C13orf46: variants seen among roughly 807,000 people sequenced by gnomAD.
C13orf46 encodes uncharacterized protein C13orf46.
At chr13:113,952,470 C>G (rs995586865), downstream of C13orf46, among the ~76,000 whole-genome samples, 156 of 152,336 alleles carry the variant, frequency 1.0e-3, no homozygotes, top group African/African-American at 3.7e-3. Context: ...GTGCAGGCAC[C>G]ATGTGGGGCT....
the C13orf46 span, among the ~76,000 whole-genome samples, chr13:113,945,954 T>C: frequency 6.6e-6 from 1 of 152,100 alleles, no homozygotes; most frequent in Middle Eastern, 3.4e-3. Context: ...TGCAGGGCAG[T>C]AAACCCACCG....
intron 5 of C13orf46, among the ~76,000 whole-genome samples, chr13:113,965,880 GGTGGTA>G (rs1193124782): frequency 0.078 from 11,667 of 150,370 alleles, 562 homozygotes; most frequent in South Asian, 0.18. Flanking sequence ...TGGTGATGAT[GGTGGTA>G]ATGGTGATGG....
At chr13:113,947,616 C>A in the C13orf46 span, among the ~76,000 whole-genome samples, 1 of 152,216 alleles carries the variant, frequency 6.6e-6, no homozygotes, top group Non-Finnish European at 1.5e-5. Context: ...GGGGAGCTGG[C>A]AGCAAGGCTT....
At chr13:113,944,614 C>T in the C13orf46 span, among the ~76,000 whole-genome samples, 815 of 146,514 alleles carry the variant, frequency 5.6e-3, 5 homozygotes, top group African/African-American at 0.02. Flanking sequence ...GACAAGTCCT[C>T]CAGGTGTGTG....
the C13orf46 span, among the ~76,000 whole-genome samples, chr13:113,943,084 C>G: frequency 6.6e-6 from 1 of 152,320 alleles, no homozygotes; most frequent in East Asian, 1.9e-4. Flanking sequence ...CTGCCTCCCA[C>G]AGGAGAGCTC....
At chr13:113,927,653 G>T in the C13orf46 span, 3 of 398,516 alleles carry the variant, frequency 7.5e-6, no homozygotes, top group Non-Finnish European at 4.4e-6. Context: ...GCTCCAATAA[G>T]ACCAAGAATA....
chr13:113,959,627 T>G (rs1183611973), intron 6 of C13orf46, among the ~76,000 whole-genome samples: 1 of 152,210 alleles, frequency 6.6e-6, no homozygotes, highest in Non-Finnish European at 1.5e-5. Flanking sequence ...TCTTAAACAT[T>G]AAGGCATACC....
At chr13:113,951,292 C>T (rs1190027805), downstream of C13orf46, among the ~76,000 whole-genome samples, 1 of 152,214 alleles carries the variant, frequency 6.6e-6, no homozygotes, top group African/African-American at 2.4e-5. Context: ...CACCGGGGCC[C>T]CCACGGGGTG....
At chr13:113,937,510 G>GT in the C13orf46 span, among the ~76,000 whole-genome samples, 19 of 152,260 alleles carry the variant, frequency 1.2e-4, no homozygotes, top group African/African-American at 4.6e-4. Flanking sequence ...TCTCAGTAGC[G>GT]TTGTAAACCA....
At chr13:113,959,785 T>G (rs1295773800) in intron 6 of C13orf46, among the ~76,000 whole-genome samples, 2 of 152,224 alleles carry the variant, frequency 1.3e-5, no homozygotes, top group East Asian at 3.8e-4. Flanking sequence ...CTTTTTATCC[T>G]GAAGCAAAAT....
At chr13:113,930,055 C>T in the C13orf46 span, among the ~76,000 whole-genome samples, 3 of 152,208 alleles carry the variant, frequency 2.0e-5, no homozygotes, top group Non-Finnish European at 4.4e-5. Flanking sequence ...TTTTATGCCA[C>T]GTGCATTTCT....
downstream of C13orf46, among the ~76,000 whole-genome samples, chr13:113,953,193 C>T (rs906417930): frequency 7.6e-4 from 116 of 152,296 alleles, no homozygotes; most frequent in African/African-American, 2.6e-3. Flanking sequence ...ACAGCTCGCT[C>T]GGGACCTGCC....
At chr13:113,958,253 G>T (rs1324297640) in intron 6 of C13orf46, among the ~76,000 whole-genome samples, 2 of 149,932 alleles carry the variant, frequency 1.3e-5, no homozygotes, top group Non-Finnish European at 3.0e-5. Context: ...CAAGTGCACT[G>T]GGGGTCTCCC....
the C13orf46 span, among the ~76,000 whole-genome samples, chr13:113,945,973 T>C: frequency 2.0e-5 from 3 of 151,966 alleles, no homozygotes; most frequent in African/African-American, 7.3e-5. Flanking sequence ...CGCCGCCCGT[T>C]CACTGTGATT....
At position 113,953,721 on chromosome 13, in the gene C13orf46, T is replaced by C. The variant is rs1359117112; in HGVS notation, c.*3052A>G. On this transcript the variant is annotated 3_prime_UTR_variant, in exon 7 of 7. Coordinates refer to ENST00000636427, the MANE Select transcript of C13orf46 (RefSeq NM_001365455.2). ...ACACGGGTGGACAGACTCATGCCGA[T>C]GTTTGCTCTGTGGGGGAGGGTGCTG... 6.6e-6 allele frequency: 1 copy of C among 152,274 alleles called. No individual in the cohort carries two copies. The highest frequency in any genetic ancestry group is 1.5e-5 in the Non-Finnish European group (1 of 68,062). The allele number at this position is 152,274 out of a possible 1,614,324, so 9.4% of individuals were successfully genotyped here.
chr13:113,947,754 G>A, the C13orf46 span, among the ~76,000 whole-genome samples: 3 of 152,140 alleles, frequency 2.0e-5, no homozygotes, highest in Admixed American at 6.5e-5. Context: ...AAGCAGATGC[G>A]CAGCCATGTA....
At chr13:113,958,652 C>T (rs2052562235) in intron 6 of C13orf46, among the ~76,000 whole-genome samples, 1 of 152,226 alleles carries the variant, frequency 6.6e-6, no homozygotes, top group Admixed American at 6.5e-5. Context: ...ACAGACGGCT[C>T]GCGGGCGACA....
intron 2 of C13orf46, among the ~76,000 whole-genome samples, chr13:113,969,896 G>C (rs1377489799): frequency 6.6e-6 from 1 of 152,164 alleles, no homozygotes; most frequent in African/African-American, 2.4e-5. Context: ...ATGCAGCTGT[G>C]TGACCCTCAG....
At chr13:113,972,969 G>A (rs1347180146) in intron 1 of C13orf46, among the ~76,000 whole-genome samples, 1 of 152,208 alleles carries the variant, frequency 6.6e-6, no homozygotes, top group African/African-American at 2.4e-5. Context: ...TGGGTTACGG[G>A]TGTGGACCTG....
Sources: allele counts gnomAD v4.1 joint callset (sites outside exome capture counted in the v4.1 genomes callset), GRCh38; gene constraint gnomAD v4.1.1; transcripts MANE v1.5; gene names NCBI Gene and HGNC (gene_info 2026-07-23, HGNC 2026-07-21).